Variants in SCARB1 observed in about 807,000 individuals in gnomAD.
SCARB1 encodes CD36 and LIMPII analogous 1.
Under a neutral mutation model 57.2 loss-of-function variants are expected in SCARB1, and 30 were observed. The observed-to-expected ratio is 0.52, with a 90% CI of 0.39 to 0.71. The LOEUF (loss-of-function observed/expected upper bound fraction) is 0.71. Ranked by LOEUF, SCARB1 falls within the 30% of genes least tolerant of loss-of-function variation. The probability of loss-of-function intolerance (pLI) is 0.00; values close to 1 mark genes in which losing one functional copy is unlikely to be tolerated. For missense variants in SCARB1, 543 were observed against 671.2 expected (o/e 0.81, Z 2.11); for synonymous variants, 249 against 268.3 (o/e 0.93, Z 0.70).
intron 5 of SCARB1, among the ~76,000 whole-genome samples, chr12:124,811,377 G>A (rs543188231): frequency 1.1e-3 from 164 of 152,236 alleles, no homozygotes; most frequent in Non-Finnish European, 1.7e-3. Flanking sequence ...GTGTTCAAGC[G>A]ATTCTCCTGC....
At position 124,794,400 on chromosome 12, in the gene SCARB1, CTTT is replaced by C. The variant is rs3043265; in HGVS notation, c.1202+792_1202+794del. Among the ~76,000 whole-genome samples the C allele has an allele frequency of 3.3e-4, 40 of 119,868 alleles. No individual in the cohort carries two copies. The South Asian group carries it at 5.8e-3, about 17-fold the overall frequency. 78.6% of individuals were successfully genotyped at this position (119,868 alleles called of 152,430 possible). On this transcript the variant is annotated intron_variant, in intron 9 of 12. Transcript: ENST00000261693. The stretch of plus-strand genomic sequence containing the variant: ...AGAGGAAATCAGTGCTTGAAAAATT[CTTT>C]TTTTTTTTTTTTTTTGAGACGGAGT...
In SCARB1 at chr12:124,848,199, T is replaced by G. The variant is rs547695920; in HGVS notation, c.126+15396A>C. Among the ~76,000 whole-genome samples, 110 of 152,300 alleles carry G rather than the reference T, an allele frequency of 7.2e-4. 1 individual carries two copies. The highest frequency in any genetic ancestry group is 6.2e-3 in the South Asian group (30 of 4,820). On this transcript the variant is annotated intron_variant, in intron 1 of 12. Transcript: ENST00000261693. Reference sequence around the variant, plus strand: ...CCTGGGTTCAAGCGATTCTCCTGCCTCAGCCTCCCGAGTAGCTGGGACTAC... The same window carrying G: ...CCTGGGTTCAAGCGATTCTCCTGCCGCAGCCTCCCGAGTAGCTGGGACTAC...
rs930825978 is a variant in SCARB1 at position 124,789,750 on chromosome 12, C to T, written c.1203-2293G>A. 6.6e-6 allele frequency among the ~76,000 whole-genome samples: 1 copy of T among 152,182 alleles called. No homozygotes were observed. Among genetic ancestry groups the T allele is most frequent in the Non-Finnish European group, 1.5e-5 (1 of 68,028 alleles). On this transcript the variant is annotated intron_variant, in intron 9 of 12. Transcript: ENST00000261693. This position sits in a 1 kb window ranked among gnomAD's most constrained non-coding sequence, Gnocchi z 4.4. ...AGAGGGGCTGGGGCGTGGTGGCTCA[C>T]GCCTGTAATCCCAGCACTTTGGGAG...
rs1014775000 is a variant in SCARB1 at position 124,785,968 on chromosome 12, C to G, written c.1401+389G>C. 4 of 1,223,254 alleles carry G rather than the reference C, an allele frequency of 3.3e-6. No individual in the cohort carries two copies. In the African/African-American group the frequency reaches 4.6e-5, roughly 14 times the overall value. 75.8% of individuals were successfully genotyped at this position (1,223,254 alleles called of 1,614,324 possible). ...CTCCCCGGCTGGGATGCCAGCCCCC[C>G]TCAATCCCCCTGAGCAGGGATCTCA... On this transcript the variant is annotated intron_variant, in intron 11 of 12. Coordinates refer to ENST00000261693, the MANE Select transcript of SCARB1 (RefSeq NM_005505.5).
intron 1 of SCARB1, among the ~76,000 whole-genome samples, chr12:124,844,598 G>C (rs372826051): frequency 1.2e-4 from 18 of 152,090 alleles, no homozygotes; most frequent in African/African-American, 3.4e-4. Context: ...AATCCAATCT[G>C]ACTGACGCCC....
intron 7 of SCARB1, among the ~76,000 whole-genome samples, chr12:124,802,671 G>A (rs1285622469): frequency 2.0e-5 from 3 of 152,210 alleles, no homozygotes; most frequent in Non-Finnish European, 4.4e-5. Context: ...CACGCCGAGA[G>A]AGATCTTCCC....
intron 2 of SCARB1, 26 bp from the exon 3 acceptor site, chr12:124,815,140 C>T (rs1318556467): frequency 6.8e-6 from 11 of 1,610,506 alleles, no homozygotes; most frequent in East Asian, 4.5e-5. Flanking sequence ...GTGGGTCAGA[C>T]GCCCCGCCCC....
At chr12:124,819,411 A>T (rs985030544) in intron 1 of SCARB1, among the ~76,000 whole-genome samples, 3 of 152,250 alleles carry the variant, frequency 2.0e-5, no homozygotes, top group African/African-American at 7.2e-5. Flanking sequence ...CTCCTGATTT[A>T]AAAATGTTGC....
At position 124,789,876 on chromosome 12, in the gene SCARB1, T is replaced by G. The variant is rs574666399; in HGVS notation, c.1203-2419A>C. ...AAATATAAAAATTGGCCGGACGTGGTGGCACATGCCTGTAATCCCAGCTAC... is the reference window on the plus strand; with the variant it reads ...AAATATAAAAATTGGCCGGACGTGGGGGCACATGCCTGTAATCCCAGCTAC... On this transcript the variant is annotated intron_variant, in intron 9 of 12. Coordinates refer to ENST00000261693, the MANE Select transcript of SCARB1 (RefSeq NM_005505.5). The surrounding 1 kb of genome is among the most constrained non-coding windows in gnomAD (Gnocchi z 4.4). 2.6e-5 allele frequency among the ~76,000 whole-genome samples: 4 copies of G among 152,040 alleles called. No homozygotes were observed. In the South Asian group the frequency reaches 6.2e-4, roughly 24 times the overall value.
Position 124,796,144 on chromosome 12 carries a change from G to T in SCARB1, c.1129-876C>A, listed in dbSNP as rs559244575. On this transcript the variant is annotated intron_variant, in intron 8 of 12. Coordinates refer to ENST00000261693, the MANE Select transcript of SCARB1 (RefSeq NM_005505.5). The surrounding 1 kb of genome is among the most constrained non-coding windows in gnomAD (Gnocchi z 4.0). ...AATTTTTGTATTTTTAGTAAAGACA[G>T]GGTTTCACCATGTTGACCAGGCTGG... Among the ~76,000 whole-genome samples, 1 of 152,326 alleles carries T rather than the reference G, an allele frequency of 6.6e-6. No homozygotes were observed. Among genetic ancestry groups the T allele is most frequent in the African/African-American group, 2.4e-5 (1 of 41,588 alleles).
intron 1 of SCARB1, among the ~76,000 whole-genome samples, chr12:124,854,730 G>A (rs896569467): frequency 4.6e-5 from 7 of 152,194 alleles, no homozygotes; most frequent in Non-Finnish European, 1.0e-4. Flanking sequence ...ATGTTGGCCC[G>A]GGCAACTGGA....
intron 1 of SCARB1, among the ~76,000 whole-genome samples, chr12:124,841,328 C>T (rs541292163): frequency 2.0e-5 from 3 of 150,026 alleles, no homozygotes; most frequent in African/African-American, 4.9e-5. Context: ...GCGGAGATTG[C>T]GCCACTGCAC....
rs189267499 is a variant in SCARB1 at position 124,796,265 on chromosome 12, A to G, written c.1129-997T>C. Among the ~76,000 whole-genome samples the G allele has an allele frequency of 3.7e-4, 56 of 151,888 alleles. No individual in the cohort carries two copies. Among genetic ancestry groups the G allele is most frequent in the African/African-American group, 1.3e-3 (55 of 41,422 alleles). On this transcript the variant is annotated intron_variant, in intron 8 of 12. Coordinates refer to ENST00000261693, the MANE Select transcript of SCARB1 (RefSeq NM_005505.5). This position sits in a 1 kb window ranked among gnomAD's most constrained non-coding sequence, Gnocchi z 4.0. The stretch of plus-strand genomic sequence containing the variant: ...CACACCCAGCCTATTTATCATTATT[A>G]TTTTTGTAGAGACAGAGTTTCACTA...
intron 1 of SCARB1, among the ~76,000 whole-genome samples, chr12:124,819,394 A>G (rs1273315482): frequency 2.6e-5 from 4 of 152,222 alleles, no homozygotes. Context: ...AGAAATGTAT[A>G]TGAAATCTCC....
chr12:124,835,257 T>G (rs1951593611), intron 1 of SCARB1, among the ~76,000 whole-genome samples: 1 of 133,666 alleles, frequency 7.5e-6, no homozygotes, highest in Non-Finnish European at 1.6e-5. Context: ...TTTATGTATG[T>G]TTGAATTTTT....
Position 124,778,403 on chromosome 12 carries a change from C to CATGT in SCARB1, c.*180_*183dup. On this transcript the variant is annotated 3_prime_UTR_variant, in exon 13 of 13. Coordinates refer to ENST00000261693, the MANE Select transcript of SCARB1 (RefSeq NM_005505.5). Reference sequence around the variant, plus strand: ...CTGAGTGTCTGCACAAGCCTGCACGCATGTGTGTATGTGTGCCAGGGCGTG... The same window carrying CATGT: ...CTGAGTGTCTGCACAAGCCTGCACGCATGTATGTGTGTATGTGTGCCAGGGCGTG... 1 of 1,259,970 alleles carries CATGT rather than the reference C, an allele frequency of 7.9e-7. No individual in the cohort carries two copies. Among genetic ancestry groups the CATGT allele is most frequent in the East Asian group, 3.1e-5 (1 of 31,764 alleles). 78.0% of individuals were successfully genotyped at this position (1,259,970 alleles called of 1,614,324 possible).
chr12:124,821,270 G>T, intron 1 of SCARB1: 1 of 426,558 alleles, frequency 2.3e-6, no homozygotes, highest in Non-Finnish European at 3.1e-6. Context: ...GCACACACAC[G>T]CGCACACACA....
chr12:124,831,504 C>T (rs1951390433), intron 1 of SCARB1, among the ~76,000 whole-genome samples: 1 of 152,146 alleles, frequency 6.6e-6, no homozygotes, highest in Non-Finnish European at 1.5e-5. Context: ...AGAGCACCTA[C>T]AGCCACCAAG....
At chr12:124,780,159 C>T (rs1431316913) in intron 12 of SCARB1, among the ~76,000 whole-genome samples, 1 of 152,160 alleles carries the variant, frequency 6.6e-6, no homozygotes, top group Non-Finnish European at 1.5e-5. Context: ...GGAACATGGA[C>T]TTGGCGTGGA....
Sources: allele counts gnomAD v4.1 joint callset (sites outside exome capture counted in the v4.1 genomes callset), GRCh38; gene constraint gnomAD v4.1.1; non-coding constraint Gnocchi (gnomAD v3.1); transcripts MANE v1.5; gene names NCBI Gene and HGNC (gene_info 2026-07-23, HGNC 2026-07-21).